SGCZ: variants seen among roughly 807,000 people sequenced by gnomAD.
SGCZ encodes zeta-sarcoglycan.
In SGCZ, 40 loss-of-function variants were observed where a neutral mutation model predicts 41.3. That is an observed-to-expected ratio of 0.97 (90% CI 0.75 to 1.26). The LOEUF (loss-of-function observed/expected upper bound fraction) is 1.26. Ranked by LOEUF, SGCZ falls within the 50% of genes most tolerant of loss-of-function variation. The probability of loss-of-function intolerance (pLI) is 0.00; values close to 1 mark genes in which losing one functional copy is unlikely to be tolerated. For synonymous variants in SGCZ, 206 were observed against 137.5 expected (o/e 1.50, Z -3.49); for missense variants, 552 against 369.8 (o/e 1.49, Z -4.04).
rs565232371 is a variant in SGCZ, at chr8:15,092,417, G to C, written c.39+145168C>G. 1.4e-4 allele frequency among the ~76,000 whole-genome samples: 22 copies of C among 152,206 alleles called. No individual in the cohort carries two copies. In the East Asian group the frequency reaches 4.3e-3, roughly 29 times the overall value. On this transcript the variant is annotated intron_variant, in intron 1 of 7. Coordinates refer to ENST00000382080, the MANE Select transcript of SGCZ (RefSeq NM_139167.4). ...TTTATTACTACTGCTATTTTAAAAT[G>C]TTTAATTTGTATTTATAGTAATTTG...
intron 1 of SGCZ, among the ~76,000 whole-genome samples, chr8:14,641,474 G>A (rs1170738161): frequency 6.6e-6 from 1 of 151,576 alleles, no homozygotes; most frequent in Non-Finnish European, 1.5e-5. Context: ...ACAATTCTAG[G>A]ACGCTACAAG....
intron 2 of SGCZ, among the ~76,000 whole-genome samples, chr8:14,374,005 A>G: frequency 6.6e-6 from 1 of 152,340 alleles, no homozygotes; most frequent in Middle Eastern, 3.4e-3. Context: ...ATACACAGAT[A>G]TATTAACGAT....
intron 1 of SGCZ, among the ~76,000 whole-genome samples, chr8:14,712,264 C>G (rs765868772): frequency 2.0e-5 from 3 of 152,210 alleles, no homozygotes; most frequent in Non-Finnish European, 4.4e-5. Context: ...TCAGCTCCGT[C>G]CTGAAACCCT....
At chr8:14,722,201 A>C (rs1056129700) in intron 1 of SGCZ, among the ~76,000 whole-genome samples, 3 of 152,184 alleles carry the variant, frequency 2.0e-5, no homozygotes, top group Non-Finnish European at 2.9e-5. Context: ...TCTAGAATTA[A>C]ACCACATGAG....
chr8:14,880,623 A>G (rs1016930216), intron 1 of SGCZ, among the ~76,000 whole-genome samples: 4 of 152,226 alleles, frequency 2.6e-5, no homozygotes, highest in Admixed American at 2.6e-4. Flanking sequence ...CTATGCAGCC[A>G]TGAAAAACGA....
intron 1 of SGCZ, among the ~76,000 whole-genome samples, chr8:15,177,913 C>G (rs777996601): frequency 2.6e-5 from 4 of 152,096 alleles, no homozygotes; most frequent in African/African-American, 9.7e-5. Context: ...CCTGATATAC[C>G]CAGAACAGCC....
chr8:14,366,105 G>C (rs934900711), intron 2 of SGCZ, among the ~76,000 whole-genome samples: 1 of 152,042 alleles, frequency 6.6e-6, no homozygotes, highest in African/African-American at 2.4e-5. Context: ...AATGCCACTA[G>C]AGTCTTCGAA....
chr8:14,955,537 G>T (rs553278694), intron 1 of SGCZ, among the ~76,000 whole-genome samples: 2 of 152,274 alleles, frequency 1.3e-5, no homozygotes, highest in East Asian at 3.9e-4. Flanking sequence ...TGACACTCAT[G>T]CTGCTCCATA....
At chr8:14,251,258 C>G (rs972289007) in intron 3 of SGCZ, among the ~76,000 whole-genome samples, 1 of 152,046 alleles carries the variant, frequency 6.6e-6, no homozygotes, top group Non-Finnish European at 1.5e-5. Flanking sequence ...CAAACAAAAA[C>G]GAAAGACATA....
chr8:14,808,722 A>G (rs896832056), intron 1 of SGCZ, among the ~76,000 whole-genome samples: 1 of 152,022 alleles, frequency 6.6e-6, no homozygotes, highest in African/African-American at 2.4e-5. Context: ...CAGCCATCCC[A>G]TTACTGGGTA....
chr8:14,190,831 T>C (rs902932958), intron 4 of SGCZ, among the ~76,000 whole-genome samples: 1 of 152,072 alleles, frequency 6.6e-6, no homozygotes, highest in African/African-American at 2.4e-5. Context: ...CTCAATCTCC[T>C]GACCTTGTGA....
intron 4 of SGCZ, among the ~76,000 whole-genome samples, chr8:14,203,979 G>A (rs1260979887): frequency 6.6e-6 from 1 of 151,956 alleles, no homozygotes; most frequent in Non-Finnish European, 1.5e-5. Context: ...GGAGTTGGGG[G>A]AAAGAGCGCT....
At chr8:14,942,019 C>T (rs1412595352) in intron 1 of SGCZ, among the ~76,000 whole-genome samples, 1 of 151,936 alleles carries the variant, frequency 6.6e-6, no homozygotes, top group African/African-American at 2.4e-5. Context: ...AATAGCCCAA[C>T]AATTGGGCTA....
At chr8:15,177,408 G>C (rs1362842485) in intron 1 of SGCZ, among the ~76,000 whole-genome samples, 1 of 152,158 alleles carries the variant, frequency 6.6e-6, no homozygotes, top group Non-Finnish European at 1.5e-5. Flanking sequence ...AATGGATATG[G>C]CATGGCCAAG....
chr8:14,958,568 G>A (rs1027027669), intron 1 of SGCZ, among the ~76,000 whole-genome samples: 4 of 151,824 alleles, frequency 2.6e-5, no homozygotes, highest in African/African-American at 9.7e-5. Context: ...CTGTGGAGGT[G>A]GAAACTGACT....
At chr8:15,161,089 A>C (rs1009543510) in intron 1 of SGCZ, among the ~76,000 whole-genome samples, 1 of 151,696 alleles carries the variant, frequency 6.6e-6, no homozygotes, top group African/African-American at 2.4e-5. Flanking sequence ...TGGCCTCTCA[A>C]ATCCTTAGGT....
At chr8:14,500,023 A>G (rs909299903) in intron 2 of SGCZ, among the ~76,000 whole-genome samples, 7 of 152,102 alleles carry the variant, frequency 4.6e-5, no homozygotes, top group African/African-American at 9.7e-5. Context: ...TTTCCTTAAC[A>G]TTACAATTGC....
chr8:14,533,039 C>T lies in SGCZ; in HGVS notation c.234+21693G>A, dbSNP rs192117908. On this transcript the variant is annotated intron_variant, in intron 2 of 7. Coordinates refer to ENST00000382080, the MANE Select transcript of SGCZ (RefSeq NM_139167.4). ...CTTTAAGTTCTAGTGTACATGTGCA[C>T]AAGGTGCAGGTTTGTTACATATATA... 6.9e-3 allele frequency among the ~76,000 whole-genome samples: 1,052 copies of T among 152,118 alleles called. 15 individuals carry two copies. The highest frequency in any genetic ancestry group is 0.024 in the African/African-American group (995 of 41,512).
intron 1 of SGCZ, among the ~76,000 whole-genome samples, chr8:14,971,718 A>C (rs1454246134): frequency 1.4e-5 from 2 of 143,398 alleles, no homozygotes; most frequent in Non-Finnish European, 3.0e-5. Context: ...GGCACGACCT[A>C]GGCTGACTGC....
Sources: gnomAD v4.1 joint callset for allele counts (sites outside exome capture counted in the v4.1 genomes callset) on GRCh38, gnomAD v4.1.1 for gene constraint, MANE v1.5 for transcripts, NCBI Gene and HGNC (gene_info 2026-07-23, HGNC 2026-07-21) for gene names.